SLC25A26: variants seen among roughly 807,000 people sequenced by gnomAD.
SLC25A26 encodes the protein solute carrier family 25 member 26, also known as mitochondrial S-adenosylmethionine carrier protein.
SLC25A26 carries 36 observed loss-of-function variants against 37.8 expected under a neutral mutation model. The observed-to-expected ratio is 0.95, with a 90% CI of 0.73 to 1.26. The LOEUF is 1.26. Among genes scored for constraint, SLC25A26 ranks in the 50% most tolerant of loss-of-function variants. The pLI, the probability that SLC25A26 is intolerant of heterozygous loss-of-function variation, is 0.00. For missense variants in SLC25A26, 390 were observed against 331.1 expected, an observed-to-expected ratio of 1.18 and a Z score of -1.38; for synonymous variants, 129 against 122.5, an observed-to-expected ratio of 1.05 and a Z score of -0.35.
At chr3:66,376,366 T>C (rs908468183) in intron 9 of SLC25A26, among the ~76,000 whole-genome samples, 2 of 152,064 alleles carry the variant, frequency 1.3e-5, no homozygotes, top group African/African-American at 4.8e-5. Flanking sequence ...GAGAAATCTT[T>C]CATGAAAAGA....
At chr3:66,180,722 G>A (rs1351497440) in intron 1 of SLC25A26, among the ~76,000 whole-genome samples, 3 of 152,042 alleles carry the variant, frequency 2.0e-5, no homozygotes, top group African/African-American at 7.2e-5. Flanking sequence ...GCGGGGTGGG[G>A]GACAGAGAGG....
intron 5 of SLC25A26, among the ~76,000 whole-genome samples, chr3:66,292,585 G>C (rs144967422): frequency 0.011 from 1,694 of 152,192 alleles, 39 homozygotes; most frequent in African/African-American, 0.039. Context: ...TTGAAATTCT[G>C]GGTTGAAAAT....
chr3:66,212,432 T>G (rs1399881913), intron 1 of SLC25A26, among the ~76,000 whole-genome samples: 1 of 152,200 alleles, frequency 6.6e-6, no homozygotes, highest in East Asian at 1.9e-4. Flanking sequence ...TATTATTCAT[T>G]ATTGTTGTGC....
At chr3:66,254,617 A>T (rs902233319) in intron 3 of SLC25A26, among the ~76,000 whole-genome samples, 2 of 152,242 alleles carry the variant, frequency 1.3e-5, no homozygotes, top group African/African-American at 4.8e-5. Flanking sequence ...AGTGCATTAG[A>T]TGTGTGTAAG....
chr3:66,157,784 C>T (rs1200613996), intron 1 of SLC25A26, among the ~76,000 whole-genome samples: 1 of 152,132 alleles, frequency 6.6e-6, no homozygotes, highest in East Asian at 1.9e-4. Flanking sequence ...TCATTTTAAA[C>T]ATTTATTTAA....
intron 1 of SLC25A26, among the ~76,000 whole-genome samples, chr3:66,212,519 T>C (rs2071297969): frequency 6.6e-6 from 1 of 152,220 alleles, no homozygotes. Context: ...TTCAGTACTT[T>C]CTGAGGTTTC....
At chr3:66,226,562 C>T (rs2071763503) in intron 1 of SLC25A26, among the ~76,000 whole-genome samples, 1 of 152,174 alleles carries the variant, frequency 6.6e-6, no homozygotes, top group South Asian at 2.1e-4. Context: ...GATCCTCCCA[C>T]CTCAGCCTCC....
At chr3:66,139,497 T>C (rs1198813954) in intron 1 of SLC25A26, among the ~76,000 whole-genome samples, 1 of 152,192 alleles carries the variant, frequency 6.6e-6, no homozygotes. Context: ...ACAAGTTTCT[T>C]TTAATAGCAT....
At position 66,347,423 on chromosome 3, in the gene SLC25A26, G is replaced by C. The variant is rs140924488; in HGVS notation, c.498+1015G>C. On this transcript the variant is annotated intron_variant, in intron 6 of 9. Transcript: ENST00000354883. ...GAAATGCAAATCAAAACCACAATGA[G>C]ATACCGTCTCACACCAGTCACAATG... is the stretch of plus-strand genomic sequence containing the variant. Among the ~76,000 whole-genome samples, 777 of 152,252 alleles carry C rather than the reference G, an allele frequency of 5.1e-3. 12 individuals are homozygous for C. The highest frequency in any genetic ancestry group is 0.014 in the African/African-American group (571 of 41,538).
At chr3:66,268,479 A>G (rs894957417) in intron 5 of SLC25A26, among the ~76,000 whole-genome samples, 17 of 152,242 alleles carry the variant, frequency 1.1e-4, no homozygotes, top group Non-Finnish European at 2.2e-4. Context: ...TGGACATAAT[A>G]ACATATATCT....
At chr3:66,223,163 G>A (rs571088310) in intron 1 of SLC25A26, among the ~76,000 whole-genome samples, 13 of 152,304 alleles carry the variant, frequency 8.5e-5, no homozygotes, top group South Asian at 2.1e-4. Flanking sequence ...CTGAAGATGC[G>A]ACAGAGTAGG....
intron 1 of SLC25A26, among the ~76,000 whole-genome samples, chr3:66,222,196 T>G (rs1029204283): frequency 4.6e-5 from 7 of 151,768 alleles, no homozygotes. Flanking sequence ...TTTTTTTTTT[T>G]TTTGAGAAGG....
At chr3:66,215,351 C>CCA (rs2071344914) in intron 1 of SLC25A26, among the ~76,000 whole-genome samples, 1 of 152,060 alleles carries the variant, frequency 6.6e-6, no homozygotes, top group Non-Finnish European at 1.5e-5. Flanking sequence ...CAGGCATGTG[C>CCA]CACTGTGCAT....
chr3:66,216,517 AAC>A (rs2071363495), upstream of SLC25A26, among the ~76,000 whole-genome samples: 2 of 152,160 alleles, frequency 1.3e-5, no homozygotes, highest in Non-Finnish European at 2.9e-5. Flanking sequence ...TCTTAAAACA[AAC>A]AAACAAATAA....
intron 1 of SLC25A26, among the ~76,000 whole-genome samples, chr3:66,209,090 G>GGA (rs2071233237): frequency 2.2e-5 from 1 of 46,358 alleles, no homozygotes; most frequent in Non-Finnish European, 4.3e-5. Flanking sequence ...ATATAAAGAT[G>GGA]TATATATATA....
rs140676342 is a variant in SLC25A26 at position 66,308,065 on chromosome 3, G to A, written c.454-38299G>A. Among the ~76,000 whole-genome samples the A allele has an allele frequency of 2.3e-3, 353 of 152,264 alleles. 1 individual carries two copies. The highest frequency in any genetic ancestry group is 8.4e-3 in the African/African-American group (347 of 41,546). On this transcript the variant is annotated intron_variant, in intron 5 of 9. Coordinates refer to ENST00000354883, the MANE Select transcript of SLC25A26 (RefSeq NM_001379210.1). ...AGTCAATGGTAGCTTGATGGGGGTA[G>A]CATTGAATCTATAAATTACTTTGGG...
chr3:66,302,706 A>T (rs565635933), intron 5 of SLC25A26, among the ~76,000 whole-genome samples: 1 of 152,340 alleles, frequency 6.6e-6, no homozygotes, highest in Non-Finnish European at 1.5e-5. Flanking sequence ...CAGAAGCAAC[A>T]TTGAGCTGGG....
chr3:66,344,927 A>T (rs1408409122), intron 5 of SLC25A26, among the ~76,000 whole-genome samples: 1 of 152,224 alleles, frequency 6.6e-6, no homozygotes. Context: ...TTTAGGCGTT[A>T]CACAGCGTCT....
intron 1 of SLC25A26, among the ~76,000 whole-genome samples, chr3:66,144,399 C>A (rs920790217): frequency 6.6e-6 from 1 of 152,122 alleles, no homozygotes; most frequent in Admixed American, 6.5e-5. Context: ...AAACTCTAGA[C>A]CCGTGGTTGT....
Sources: allele counts gnomAD v4.1 joint callset (sites outside exome capture counted in the v4.1 genomes callset), GRCh38; gene constraint gnomAD v4.1.1; transcripts MANE v1.5; gene names NCBI Gene and HGNC (gene_info 2026-07-23, HGNC 2026-07-21).